The following TNRC18 variants were observed in gnomAD, a reference collection of about 807,000 sequenced individuals.
TNRC18 encodes the protein trinucleotide repeat-containing gene 18 protein.
In TNRC18, 69 loss-of-function variants were observed where a neutral mutation model predicts 226.7. That is an observed-to-expected ratio of 0.30 (90% confidence interval 0.25 to 0.37). The LOEUF (loss-of-function observed/expected upper bound fraction) is 0.37, where lower values mean the gene tolerates loss of function less well. Ranked by LOEUF, TNRC18 falls within the 10% of genes least tolerant of loss-of-function variation. TNRC18 has a pLI of 1.00. For synonymous variants in TNRC18, 2,449 were observed against 1,927.6 expected, an observed-to-expected ratio of 1.27 and a Z score of -7.09; for missense variants, 4,754 against 4,256.6, an observed-to-expected ratio of 1.12 and a Z score of -3.25.
intron 11 of TNRC18, among the ~76,000 whole-genome samples, chr7:5,364,187 T>C (rs748658554): frequency 3.0e-4 from 45 of 152,170 alleles, no homozygotes; most frequent in Non-Finnish European, 5.0e-4. Flanking sequence ...TAGTCCCAGC[T>C]ATTCGGGGGT....
chr7:5,407,465 C>G (rs1298938289), intron 2 of TNRC18: 2 of 152,304 alleles, frequency 1.3e-5, no homozygotes, highest in African/African-American at 4.8e-5. Context: ...CCATCCCTGA[C>G]TTCCCCACCA....
In TNRC18 at chr7:5,333,056, G is replaced by C. The variant is rs1365747934; in HGVS notation, c.5720-7C>G. 1 of 1,567,642 alleles carries C rather than the reference G, an allele frequency of 6.4e-7. No individual in the cohort carries two copies. The highest frequency in any genetic ancestry group is 1.3e-5 in the African/African-American group (1 of 74,252). On this transcript the variant is annotated splice_polypyrimidine_tract_variant and splice_region_variant and intron_variant, in intron 18 of 29. Coordinates refer to ENST00000430969, the MANE Select transcript of TNRC18 (RefSeq NM_001080495.3). The stretch of plus-strand genomic sequence containing the variant: ...GTGTACTCGAACTCTGTGCCTGAAC[G>C]CGGGAGGAGGGCGTGCTGGTCACAG...
At chr7:5,366,823 C>T (rs1793672067) in intron 11 of TNRC18, among the ~76,000 whole-genome samples, 1 of 152,216 alleles carries the variant, frequency 6.6e-6, no homozygotes, top group African/African-American at 2.4e-5. Flanking sequence ...ACAACTCTGT[C>T]ACCTCCTTCA....
intron 15 of TNRC18, 69 bp downstream of exon 15, chr7:5,359,329 G>A: frequency 1.3e-6 from 2 of 1,547,680 alleles, no homozygotes; most frequent in Non-Finnish European, 1.8e-6. Flanking sequence ...AAGGGAGCGT[G>A]AACTCTTAAC....
chr7:5,371,257 C>G lies in TNRC18; in HGVS notation c.3337G>C (p.Asp1113His). Residue 1113 changes from aspartate to histidine, a missense_variant, in exon 11 of 30, where the codon GAT (aspartate) becomes CAT (histidine). By Grantham distance (81) the Asp-to-His change is moderately conservative. Transcript: ENST00000430969. The part of the protein sequence containing the change: ...AAADADGLAP[D>H]VPLPADGPER... ...GGCCCATCAGCCGGGAGCGGCACAT[C>G]AGGGGCCAAGCCGTCCGCGTCGGCG... 1 of 1,600,934 alleles carries G rather than the reference C, an allele frequency of 6.2e-7. No individual in the cohort carries two copies. The highest frequency in any genetic ancestry group is 8.5e-7 in the Non-Finnish European group (1 of 1,172,650).
chr7:5,315,835 C>G (rs1417644887), intron 25 of TNRC18, 121 bp downstream of exon 25: 6 of 697,656 alleles, frequency 8.6e-6, no homozygotes, highest in Non-Finnish European at 1.3e-5. Context: ...ATGGCTTCTG[C>G]TGCTTCCATC....
chr7:5,388,765 G>A lies in TNRC18; in HGVS notation c.1059C>T (p.Pro353=), dbSNP rs1452736767. 4.9e-6 allele frequency: 6 copies of A among 1,231,202 alleles called. No individual in the cohort carries two copies. Among genetic ancestry groups the A allele is most frequent in the Non-Finnish European group, 6.1e-6 (6 of 984,654 alleles). 76.3% of individuals were successfully genotyped at this position (1,231,202 alleles called of 1,614,324 possible). The change falls in exon 5 of 30, where the codon CCC becomes CCT. Residue 353 remains proline (P), a synonymous_variant. Coordinates refer to ENST00000430969, the MANE Select transcript of TNRC18 (RefSeq NM_001080495.3). ...KGPPAPPAAT[P]AGVYTVFREQ... is the part of the protein sequence containing the mutation. ...CGCGGAAGACGGTGTAGACGCCGGC[G>A]GGGGTGGCCGCGGGGGGTGCAGGAG...
chr7:5,312,986 G>C lies in TNRC18; in HGVS notation c.7905C>G (p.Ser2635=), dbSNP rs1387947096. ...AGGAAGAGGAGGAGGAGGAAGAGGAGGAGGAGGAAGAGGAGGATGAGGAGG... is the reference window on the plus strand; with the variant it reads ...AGGAAGAGGAGGAGGAGGAAGAGGACGAGGAGGAAGAGGAGGATGAGGAGG... ...SSSSSSSSSS[S]SSSSSSSSSS... Residue 2635 remains serine, a synonymous_variant, in exon 27 of 30, where the codon TCC becomes TCG. Transcript: ENST00000430969. The surrounding 1 kb of genome is among the most constrained non-coding windows in gnomAD (Gnocchi z 6.3). The C allele has an allele frequency of 2.4e-5, 26 of 1,067,964 alleles. No homozygotes were observed. Among genetic ancestry groups the C allele is most frequent in the East Asian group, 8.4e-5 (3 of 35,890 alleles). The allele number at this position is 1,067,964 out of a possible 1,614,324, so 66.2% of individuals were successfully genotyped here.
At chr7:5,338,247 C>A (rs13238999) in intron 18 of TNRC18, among the ~76,000 whole-genome samples, 47,619 of 151,734 alleles carry the variant, frequency 0.31, 8,909 homozygotes, top group East Asian at 0.62. Context: ...TAAACATATT[C>A]AAATAAATTT....
intron 11 of TNRC18, among the ~76,000 whole-genome samples, chr7:5,366,469 ATG>A (rs1347325558): frequency 6.6e-6 from 1 of 151,822 alleles, no homozygotes; most frequent in Non-Finnish European, 1.5e-5. Context: ...GACTACAGGT[ATG>A]TGTCACCACA....
intron 17 of TNRC18, among the ~76,000 whole-genome samples, chr7:5,349,181 G>A (rs554911054): frequency 4.6e-5 from 7 of 152,342 alleles, no homozygotes; most frequent in Admixed American, 2.0e-4. Context: ...ACCTCGGCAT[G>A]GGAGACCCTC....
rs767062192 is a variant in TNRC18 at position 5,387,699 on chromosome 7, G to A, written c.2125C>T (p.Arg709Cys). The A allele has an allele frequency of 3.1e-6, 5 of 1,605,056 alleles. No individual in the cohort carries two copies. Among genetic ancestry groups the A allele is most frequent in the African/African-American group, 2.7e-5 (2 of 74,922 alleles). Residue 709 changes from arginine (R) to cysteine (C), a missense_variant, in exon 5 of 30, where the codon CGC becomes TGC. Coordinates refer to ENST00000430969, the MANE Select transcript of TNRC18 (RefSeq NM_001080495.3). ...RLGPGLVDQE[R>C]SLSLSNVKGH... Reference sequence around the variant, plus strand: ...TTGACGTTACTCAGCGACAGAGAGCGCTCCTGGTCTACCAGCCCAGGCCCC... The same window carrying A: ...TTGACGTTACTCAGCGACAGAGAGCACTCCTGGTCTACCAGCCCAGGCCCC...
chr7:5,372,916 T>G (rs968653785), intron 10 of TNRC18, among the ~76,000 whole-genome samples: 1 of 152,022 alleles, frequency 6.6e-6, no homozygotes, highest in East Asian at 1.9e-4. Context: ...CCCAGCACTC[T>G]GGGAGGCTGA....
intron 10 of TNRC18, among the ~76,000 whole-genome samples, chr7:5,372,888 G>GA (rs1346740624): frequency 2.6e-5 from 4 of 152,146 alleles, no homozygotes; most frequent in African/African-American, 9.7e-5. Flanking sequence ...GCCAGACATG[G>GA]TGGCTCACGC....
chr7:5,310,455 G>A (rs1787059395), intron 27 of TNRC18, among the ~76,000 whole-genome samples: 1 of 152,064 alleles, frequency 6.6e-6, no homozygotes, highest in Non-Finnish European at 1.5e-5. Context: ...GGGTGGTCTC[G>A]AACTCCTGAC....
rs1787311155 is a variant in TNRC18 at position 5,312,319 on chromosome 7, C to T, written c.8388+184G>A. Among the ~76,000 whole-genome samples the T allele has an allele frequency of 6.6e-6, 1 of 152,216 alleles. No individual in the cohort carries two copies. The highest frequency in any genetic ancestry group is 2.1e-4 in the South Asian group (1 of 4,826). On this transcript the variant is annotated intron_variant, in intron 27 of 29. Transcript: ENST00000430969. This position sits in a 1 kb window ranked among gnomAD's most constrained non-coding sequence, Gnocchi z 6.3. ...GAAGGACTCGGGCATCGGAGTCCGA[C>T]AGACCCAGGTGCCTGAGGACACTCT... is the stretch of plus-strand genomic sequence containing the variant.
chr7:5,335,924 A>C (rs1790057846), intron 18 of TNRC18, among the ~76,000 whole-genome samples: 1 of 151,714 alleles, frequency 6.6e-6, no homozygotes, highest in Non-Finnish European at 1.5e-5. Flanking sequence ...TTACTAGACA[A>C]GGCCATTCAC....
At chr7:5,401,924 C>T (rs1225386609) in intron 2 of TNRC18, among the ~76,000 whole-genome samples, 2 of 152,082 alleles carry the variant, frequency 1.3e-5, no homozygotes, top group South Asian at 2.1e-4. Flanking sequence ...ACCTGTAATC[C>T]CAGCACTTTG....
chr7:5,400,015 G>A (rs1780973562), intron 2 of TNRC18, among the ~76,000 whole-genome samples: 2 of 152,130 alleles, frequency 1.3e-5, no homozygotes, highest in Admixed American at 1.3e-4. Flanking sequence ...TTTGCCTCCT[G>A]AGTAGCTGGG....
Sources: gnomAD v4.1 joint callset for allele counts (sites outside exome capture counted in the v4.1 genomes callset) on GRCh38, gnomAD v4.1.1 for gene constraint, Gnocchi (gnomAD v3.1) non-coding constraint, MANE v1.5 for transcripts, NCBI Gene and HGNC (gene_info 2026-07-23, HGNC 2026-07-21) for gene names.